Variants in CDH20 observed in about 807,000 individuals in gnomAD.
CDH20 encodes cadherin-20.
Under a neutral mutation model 74.2 loss-of-function variants are expected in CDH20, and 29 were observed. The ratio of observed to expected loss-of-function variants is 0.39; its 90% CI spans 0.29 to 0.53. The LOEUF (loss-of-function observed/expected upper bound fraction) is 0.53, where lower values mean the gene tolerates loss of function less well. Among genes scored for constraint, CDH20 ranks in the 20% least tolerant of loss-of-function variants. The probability of loss-of-function intolerance (pLI) is 0.69; values close to 1 mark genes in which losing one functional copy is unlikely to be tolerated. For synonymous variants in CDH20, 469 were observed against 405.4 expected (o/e 1.16, Z -1.88); for missense variants, 988 against 1,048.3 (o/e 0.94, Z 0.79).
chr18:61,362,601 A>C (rs570646558), intron 1 of CDH20, among the ~76,000 whole-genome samples: 2 of 152,282 alleles, frequency 1.3e-5, no homozygotes, highest in East Asian at 3.9e-4. Flanking sequence ...TACGGAGATG[A>C]AAGTATGAGG....
chr18:61,440,748 G>A (rs1909001814), intron 1 of CDH20, among the ~76,000 whole-genome samples: 1 of 152,142 alleles, frequency 6.6e-6, no homozygotes, highest in Non-Finnish European at 1.5e-5. Flanking sequence ...CCTTCAACAG[G>A]CCAGGCTTGT....
chr18:61,399,666 C>A (rs919333646), intron 1 of CDH20, among the ~76,000 whole-genome samples: 1 of 152,148 alleles, frequency 6.6e-6, no homozygotes, highest in African/African-American at 2.4e-5. Flanking sequence ...CCTAAAATTA[C>A]TCATCATTCT....
intron 1 of CDH20, among the ~76,000 whole-genome samples, chr18:61,387,386 T>C (rs1267359114): frequency 6.6e-6 from 1 of 152,162 alleles, no homozygotes; most frequent in African/African-American, 2.4e-5. Flanking sequence ...TTCAGTGCAA[T>C]GATGAATCTG....
chr18:61,336,890 AT>A (rs1326605099), intron 1 of CDH20, among the ~76,000 whole-genome samples: 1 of 151,994 alleles, frequency 6.6e-6, no homozygotes, highest in African/African-American at 2.4e-5. Context: ...AAGAAGTCTG[AT>A]TATTGGCATC....
chr18:61,476,596 G>A (rs938489781), intron 1 of CDH20, among the ~76,000 whole-genome samples: 2 of 152,188 alleles, frequency 1.3e-5, no homozygotes, highest in Non-Finnish European at 2.9e-5. Flanking sequence ...AAGGACCACT[G>A]GATGAAATCT....
At chr18:61,507,648 C>A in intron 6 of CDH20, 88 bp downstream of exon 6, 1 of 868,682 alleles carries the variant, frequency 1.2e-6, no homozygotes, top group Non-Finnish European at 1.7e-6. Flanking sequence ...TATTGATATG[C>A]ATTGCTTCAA....
At chr18:61,458,007 T>A (rs1477745201) in intron 1 of CDH20, among the ~76,000 whole-genome samples, 1 of 152,188 alleles carries the variant, frequency 6.6e-6, no homozygotes, top group Non-Finnish European at 1.5e-5. Flanking sequence ...ATAAGACCCA[T>A]CTACAGCATA....
At chr18:61,463,788 G>A (rs139174405) in intron 1 of CDH20, among the ~76,000 whole-genome samples, 15 of 152,294 alleles carry the variant, frequency 9.8e-5, no homozygotes, top group Admixed American at 7.8e-4. Context: ...CTGTCCAGGG[G>A]TGACGAAGAT....
intron 1 of CDH20, among the ~76,000 whole-genome samples, chr18:61,435,225 T>A (rs1380018549): frequency 6.6e-6 from 1 of 152,124 alleles, no homozygotes; most frequent in Non-Finnish European, 1.5e-5. Flanking sequence ...TCCGTGATCT[T>A]GAGCAAGGCT....
intron 1 of CDH20, among the ~76,000 whole-genome samples, chr18:61,436,593 C>A (rs529603179): frequency 4.9e-4 from 74 of 152,234 alleles, no homozygotes; most frequent in African/African-American, 1.7e-3. Context: ...CAAGTCTAAA[C>A]TAGGGATAGA....
chr18:61,395,870 T>C (rs1049047415), intron 1 of CDH20, among the ~76,000 whole-genome samples: 2 of 152,262 alleles, frequency 1.3e-5, no homozygotes, highest in South Asian at 2.1e-4. Context: ...CTGTCTCTAC[T>C]GAAAATACAA....
chr18:61,424,896 T>C (rs1271650341), intron 1 of CDH20, among the ~76,000 whole-genome samples: 1 of 152,208 alleles, frequency 6.6e-6, no homozygotes, highest in East Asian at 1.9e-4. Context: ...AGCATCTCAA[T>C]TTTTTAACTA....
intron 1 of CDH20, among the ~76,000 whole-genome samples, chr18:61,447,054 G>C (rs548785588): frequency 6.5e-4 from 99 of 152,338 alleles, no homozygotes; most frequent in African/African-American, 2.2e-3. Context: ...TTTCTCTTAG[G>C]AAGAATGCAA....
chr18:61,424,436 C>T lies in CDH20; in HGVS notation c.-152-65966C>T, dbSNP rs189729201. On this transcript the variant is annotated intron_variant, in intron 1 of 11. Coordinates refer to ENST00000262717, the MANE Select transcript of CDH20 (RefSeq NM_031891.4). Reference sequence around the variant, plus strand: ...TCTCTCTGAGCATTGGAAAGTATGGCAGTGTTAGCACTGATTATTATTTGT... The same window carrying T: ...TCTCTCTGAGCATTGGAAAGTATGGTAGTGTTAGCACTGATTATTATTTGT... Among the ~76,000 whole-genome samples, 8 of 152,292 alleles carry T rather than the reference C, an allele frequency of 5.3e-5. No individual in the cohort carries two copies. The East Asian group carries it at 1.5e-3, about 29-fold the overall frequency.
At chr18:61,529,406 C>T (rs917820393) in intron 7 of CDH20, among the ~76,000 whole-genome samples, 1 of 152,216 alleles carries the variant, frequency 6.6e-6, no homozygotes, top group Non-Finnish European at 1.5e-5. Flanking sequence ...GGGGCAAATT[C>T]ACTTCCTCTA....
chr18:61,335,672 C>T (rs1479196291), intron 1 of CDH20, among the ~76,000 whole-genome samples: 1 of 152,192 alleles, frequency 6.6e-6, no homozygotes, highest in Non-Finnish European at 1.5e-5. Context: ...CTGTGCCTTT[C>T]TAACAGGACA....
At chr18:61,513,934 T>G (rs1911881200) in intron 6 of CDH20, among the ~76,000 whole-genome samples, 1 of 151,928 alleles carries the variant, frequency 6.6e-6, no homozygotes, top group African/African-American at 2.4e-5. Context: ...CCCTTAACAT[T>G]TTTTCCTTCA....
intron 6 of CDH20, among the ~76,000 whole-genome samples, chr18:61,508,582 G>C (rs1483629787): frequency 1.3e-5 from 2 of 152,070 alleles, no homozygotes; most frequent in Non-Finnish European, 2.9e-5. Context: ...AAAAAGGAAT[G>C]GACTAACAGC....
At chr18:61,496,492 T>G (rs1405750522) in intron 2 of CDH20, among the ~76,000 whole-genome samples, 1 of 151,806 alleles carries the variant, frequency 6.6e-6, no homozygotes, top group Non-Finnish European at 1.5e-5. Context: ...CAGGCCCACA[T>G]CAAGATGAAG....
Sources: gnomAD v4.1 joint callset for allele counts (sites outside exome capture counted in the v4.1 genomes callset) on GRCh38, gnomAD v4.1.1 for gene constraint, MANE v1.5 for transcripts, NCBI Gene and HGNC (gene_info 2026-07-23, HGNC 2026-07-21) for gene names.